The following PCP4 variants were observed in gnomAD, a reference collection of about 807,000 sequenced individuals.
PCP4 encodes the protein Purkinje cell protein 4, also known as calmodulin regulator protein PCP4.
PCP4 carries 8 observed loss-of-function variants against 10.0 expected under a neutral mutation model. The observed-to-expected ratio is 0.80, with a 90% confidence interval of 0.47 to 1.45. The LOEUF (loss-of-function observed/expected upper bound fraction) is 1.45. Among genes scored for constraint, PCP4 ranks in the 40% most tolerant of loss-of-function variants. The pLI is 0.00. For synonymous variants in PCP4, 21 were observed against 23.0 expected, an observed-to-expected ratio of 0.91 and a Z score of 0.24; for missense variants, 54 against 74.4, an observed-to-expected ratio of 0.73 and a Z score of 1.01.
At chr21:39,925,282 T>C (rs2087615162) in intron 2 of PCP4, among the ~76,000 whole-genome samples, 1 of 151,944 alleles carries the variant, frequency 6.6e-6, no homozygotes, top group Non-Finnish European at 1.5e-5. Flanking sequence ...CTGCAGGGAG[T>C]GAGGACAAGG....
At chr21:39,883,824 G>GA (rs952554779) in intron 1 of PCP4, among the ~76,000 whole-genome samples, 9 of 150,290 alleles carry the variant, frequency 6.0e-5, no homozygotes, top group Admixed American at 2.0e-4. Flanking sequence ...TGAATACAAT[G>GA]AAAAAAAAAG....
rs73904462 is a variant in PCP4, at chr21:39,891,189, G to A, written c.10-7287G>A. Reference sequence around the variant, plus strand: ...TTTGCAACTTAGTGAAAAAAAAATAGTCACCCAGCCTTGTCTATGTGCTGA... The same window carrying A: ...TTTGCAACTTAGTGAAAAAAAAATAATCACCCAGCCTTGTCTATGTGCTGA... On this transcript the variant is annotated intron_variant, in intron 1 of 2. Coordinates refer to ENST00000328619, the MANE Select transcript of PCP4 (RefSeq NM_006198.3). Among the ~76,000 whole-genome samples, 570 of 152,308 alleles carry A rather than the reference G, an allele frequency of 3.7e-3. 2 individuals carry two copies. The highest frequency in any genetic ancestry group is 0.013 in the African/African-American group (544 of 41,552).
At chr21:39,911,109 G>A (rs974627544) in intron 2 of PCP4, among the ~76,000 whole-genome samples, 3 of 152,014 alleles carry the variant, frequency 2.0e-5, no homozygotes, top group South Asian at 2.1e-4. Flanking sequence ...AGGGGATATC[G>A]CACATGAGTC....
rs148116916 is a variant in PCP4 at position 39,880,186 on chromosome 21, ATCTATCTATATC to A, written c.9+12678_9+12689del. ...TATCTATATCTATATCTATATCTAT[ATCTATCTATATC>A]TATTCCCTGTCCAAGTGGAAGCTCT... On this transcript the variant is annotated intron_variant, in intron 1 of 2. Transcript: ENST00000328619. 6.3e-3 allele frequency among the ~76,000 whole-genome samples: 804 copies of A among 128,374 alleles called. 6 individuals are homozygous for A. The highest frequency in any genetic ancestry group is 0.025 in the African/African-American group (762 of 30,574). The allele number at this position is 128,374 out of a possible 152,430, so 84.2% of individuals were successfully genotyped here. A position where few individuals can be genotyped will look rare whatever the true frequency, so the allele number is the denominator to read the frequency against.
At chr21:39,909,857 G>C (rs911463448) in intron 2 of PCP4, among the ~76,000 whole-genome samples, 2 of 150,248 alleles carry the variant, frequency 1.3e-5, no homozygotes, top group African/African-American at 4.9e-5. Context: ...GTGCAATGGC[G>C]TGACCTTGGC....
chr21:39,882,742 T>C (rs1000834938), intron 1 of PCP4, among the ~76,000 whole-genome samples: 1 of 152,234 alleles, frequency 6.6e-6, no homozygotes, highest in African/African-American at 2.4e-5. Context: ...AAGAAAGACT[T>C]ACCCTTAAAT....
chr21:39,917,072 T>C (rs1295038084), intron 2 of PCP4, among the ~76,000 whole-genome samples: 1 of 152,054 alleles, frequency 6.6e-6, no homozygotes, highest in African/African-American at 2.4e-5. Flanking sequence ...ATCCTACACA[T>C]GTACCCTGGA....
At chr21:39,882,599 T>C (rs1041553111) in intron 1 of PCP4, among the ~76,000 whole-genome samples, 7 of 152,226 alleles carry the variant, frequency 4.6e-5, no homozygotes, top group African/African-American at 1.7e-4. Context: ...AGTATAAAAT[T>C]GCTAGAAGAA....
At chr21:39,881,520 C>T (rs1206122357) in intron 1 of PCP4, among the ~76,000 whole-genome samples, 1 of 152,188 alleles carries the variant, frequency 6.6e-6, no homozygotes, top group East Asian at 1.9e-4. Flanking sequence ...TGCCAGGGTC[C>T]TGTCCTCGCA....
At chr21:39,914,745 A>T (rs2087560501) in intron 2 of PCP4, among the ~76,000 whole-genome samples, 1 of 152,084 alleles carries the variant, frequency 6.6e-6, no homozygotes. Context: ...ATTGCATTTG[A>T]CTTTTTTTCT....
chr21:39,889,517 C>T lies in PCP4; in HGVS notation c.10-8959C>T, dbSNP rs1457246547. 5.4e-5 allele frequency among the ~76,000 whole-genome samples: 8 copies of T among 148,904 alleles called. No individual in the cohort carries two copies. The East Asian group carries it at 1.4e-3, about 26-fold the overall frequency. ...CTGCAAGCTCCGCCTCCCGGGTTCA[C>T]GCCATTCTCCTGCCTTAGCCTCCTG... On this transcript the variant is annotated intron_variant, in intron 1 of 2. Transcript: ENST00000328619.
At chr21:39,926,097 G>A (rs1357421476) in intron 2 of PCP4, 1 of 455,880 alleles carries the variant, frequency 2.2e-6, no homozygotes, top group Admixed American at 2.3e-5. Context: ...TCAGCGGAAG[G>A]AGCTCCTGCC....
chr21:39,898,328 T>TC (rs1348439490), intron 1 of PCP4, 148 bp from the exon 2 acceptor site: 1 of 757,044 alleles, frequency 1.3e-6, no homozygotes, highest in Non-Finnish European at 2.4e-6. Flanking sequence ...CCATTCCTAC[T>TC]CTCACTAGCA....
chr21:39,885,582 C>T (rs944127836), intron 1 of PCP4, among the ~76,000 whole-genome samples: 1 of 152,218 alleles, frequency 6.6e-6, no homozygotes, highest in Non-Finnish European at 1.5e-5. Flanking sequence ...GTTTGGGGTT[C>T]AGGAGAGAAT....
chr21:39,925,096 C>T (rs1335751510), intron 2 of PCP4, among the ~76,000 whole-genome samples: 1 of 152,194 alleles, frequency 6.6e-6, no homozygotes, highest in African/African-American at 2.4e-5. Context: ...CTGAGGCTTT[C>T]CCCCATGAAA....
chr21:39,876,821 G>C (rs1264669618), intron 1 of PCP4, among the ~76,000 whole-genome samples: 1 of 152,216 alleles, frequency 6.6e-6, no homozygotes, highest in Non-Finnish European at 1.5e-5. Context: ...TGTGCCAACA[G>C]CACTGCCTGG....
At chr21:39,898,717 AATG>A (rs2087469157) in intron 2 of PCP4, among the ~76,000 whole-genome samples, 190 bp downstream of exon 2, 1 of 152,202 alleles carries the variant, frequency 6.6e-6, no homozygotes, top group Non-Finnish European at 1.5e-5. Context: ...GAGCTAGCTA[AATG>A]CCGTGATAAG....
At chr21:39,913,544 C>T (rs769534402) in intron 2 of PCP4, among the ~76,000 whole-genome samples, 5 of 152,204 alleles carry the variant, frequency 3.3e-5, no homozygotes, top group African/African-American at 4.8e-5. Flanking sequence ...ACTTCAGAGT[C>T]GTATACGGTA....
At chr21:39,884,861 G>C (rs1301543195) in intron 1 of PCP4, among the ~76,000 whole-genome samples, 1 of 152,064 alleles carries the variant, frequency 6.6e-6, no homozygotes, top group East Asian at 1.9e-4. Context: ...TTATTTGTGT[G>C]CTTATAGTCA....
Sources: gnomAD v4.1 joint callset for allele counts (sites outside exome capture counted in the v4.1 genomes callset) on GRCh38, gnomAD v4.1.1 for gene constraint, MANE v1.5 for transcripts, NCBI Gene and HGNC (gene_info 2026-07-23, HGNC 2026-07-21) for gene names.